Variants in MAMDC2 observed in about 807,000 individuals in gnomAD.
The protein encoded by MAMDC2 is MAM domain-containing protein 2.
A neutral mutation model predicts 89.8 loss-of-function variants in MAMDC2; 57 were observed. The observed-to-expected ratio is 0.63, with a 90% CI of 0.51 to 0.79. The LOEUF (loss-of-function observed/expected upper bound fraction) is 0.79. Ranked by LOEUF, MAMDC2 falls within the 30% of genes least tolerant of loss-of-function variation. The pLI is 0.00. For missense variants in MAMDC2, 800 were observed against 820.6 expected, an observed-to-expected ratio of 0.97 and a Z score of 0.31; for synonymous variants, 313 against 293.4, an observed-to-expected ratio of 1.07 and a Z score of -0.68.
chr9:70,219,406 T>C (rs758893729), intron 12 of MAMDC2, among the ~76,000 whole-genome samples: 8 of 152,238 alleles, frequency 5.3e-5, no homozygotes, highest in Non-Finnish European at 8.8e-5. Flanking sequence ...AGGCACACCT[T>C]CCTACTCATT....
intron 11 of MAMDC2, among the ~76,000 whole-genome samples, chr9:70,210,033 C>G (rs2033318208): frequency 6.6e-6 from 1 of 152,162 alleles, no homozygotes; most frequent in African/African-American, 2.4e-5. Flanking sequence ...TTTACATTTG[C>G]TGAGGAATGG....
chr9:70,093,316 A>C (rs996619720), intron 2 of MAMDC2, among the ~76,000 whole-genome samples: 1 of 152,192 alleles, frequency 6.6e-6, no homozygotes, highest in African/African-American at 2.4e-5. Flanking sequence ...TGGAAGGAGA[A>C]TACCTTTTTC....
intron 7 of MAMDC2, 110 bp downstream of exon 7, chr9:70,131,722 T>A: frequency 1.3e-6 from 1 of 798,952 alleles, no homozygotes; most frequent in Non-Finnish European, 2.0e-6. Flanking sequence ...TCCCCTTCTG[T>A]CATCCTTAAA....
At chr9:70,164,008 A>AGGACTG (rs2032080815) in intron 9 of MAMDC2, among the ~76,000 whole-genome samples, 1 of 151,652 alleles carries the variant, frequency 6.6e-6, no homozygotes, top group South Asian at 2.1e-4. Context: ...CAAGGACTGC[A>AGGACTG]CATAACAGGA....
chr9:70,111,123 G>A (rs1828500729), intron 4 of MAMDC2, among the ~76,000 whole-genome samples: 1 of 152,136 alleles, frequency 6.6e-6, no homozygotes, highest in Non-Finnish European at 1.5e-5. Context: ...CCTGGCATCT[G>A]CACAGCTTGT....
intron 11 of MAMDC2, among the ~76,000 whole-genome samples, chr9:70,208,531 G>T (rs2033279325): frequency 6.6e-6 from 1 of 152,124 alleles, no homozygotes. Context: ...AGGATATTTT[G>T]GGCTGAGATG....
intron 9 of MAMDC2, among the ~76,000 whole-genome samples, chr9:70,146,095 T>C (rs1220770777): frequency 1.3e-5 from 2 of 152,182 alleles, no homozygotes; most frequent in South Asian, 2.1e-4. Flanking sequence ...CTTTATCCTC[T>C]GTTAACAACA....
At position 70,225,740 on chromosome 9, in the gene MAMDC2, A is replaced by G; in HGVS notation, c.1912-10A>G. 1 of 1,515,206 alleles carries G rather than the reference A, an allele frequency of 6.6e-7. No homozygotes were observed. Among genetic ancestry groups the G allele is most frequent in the African/African-American group, 1.4e-5 (1 of 72,986 alleles). The allele number at this position is 1,515,206 out of a possible 1,614,324, so 93.9% of individuals were successfully genotyped here. A position where few individuals can be genotyped will look rare whatever the true frequency, so the allele number is the denominator to read the frequency against. On this transcript the variant is annotated splice_polypyrimidine_tract_variant and intron_variant, in intron 12 of 13. Coordinates refer to ENST00000377182, the MANE Select transcript of MAMDC2 (RefSeq NM_153267.5). Reference sequence around the variant, plus strand: ...TTCTATTTCTAAATTCAAACATATTATTCTTTCAGATAATTTTTGAAGCCA... The same window carrying G: ...TTCTATTTCTAAATTCAAACATATTGTTCTTTCAGATAATTTTTGAAGCCA...
At chr9:70,097,114 C>T (rs1390271005) in intron 2 of MAMDC2, among the ~76,000 whole-genome samples, 3 of 152,124 alleles carry the variant, frequency 2.0e-5, no homozygotes, top group Non-Finnish European at 4.4e-5. Flanking sequence ...AGGGCATCTC[C>T]CCAGGCCTCA....
At chr9:70,053,311 T>A (rs955251751) in intron 2 of MAMDC2, among the ~76,000 whole-genome samples, 9 of 152,226 alleles carry the variant, frequency 5.9e-5, no homozygotes, top group Admixed American at 4.6e-4. Context: ...ATAAAACAAG[T>A]GGTATCATTA....
At chr9:70,129,646 T>C (rs919489452) in intron 6 of MAMDC2, among the ~76,000 whole-genome samples, 16 of 152,118 alleles carry the variant, frequency 1.1e-4, no homozygotes, top group Admixed American at 1.0e-3. Flanking sequence ...GGGTTTTTCA[T>C]TTTATTTTTG....
At chr9:70,068,676 C>T (rs541770192) in intron 2 of MAMDC2, among the ~76,000 whole-genome samples, 11 of 145,902 alleles carry the variant, frequency 7.5e-5, no homozygotes, top group East Asian at 2.1e-4. Context: ...GCAGTGAGAT[C>T]GCACCACTGC....
chr9:70,094,657 T>C (rs956860647), intron 2 of MAMDC2, among the ~76,000 whole-genome samples: 54 of 152,130 alleles, frequency 3.5e-4, no homozygotes, highest in African/African-American at 1.2e-3. Flanking sequence ...TATATAAACA[T>C]GATAAAACAA....
intron 2 of MAMDC2, among the ~76,000 whole-genome samples, chr9:70,048,054 G>A (rs553967722): frequency 6.9e-6 from 1 of 145,248 alleles, no homozygotes; most frequent in Non-Finnish European, 1.5e-5. Flanking sequence ...GGAATGCCAG[G>A]TGCACCATAC....
At chr9:70,096,791 T>C (rs936245926) in intron 2 of MAMDC2, among the ~76,000 whole-genome samples, 5 of 151,028 alleles carry the variant, frequency 3.3e-5, no homozygotes, top group African/African-American at 1.2e-4. Flanking sequence ...ATGGAGAAGA[T>C]AGAGGAGTAG....
At chr9:70,220,335 A>G (rs1264287847) in intron 12 of MAMDC2, among the ~76,000 whole-genome samples, 4 of 152,150 alleles carry the variant, frequency 2.6e-5, no homozygotes, top group Non-Finnish European at 5.9e-5. Context: ...GGGCTCTTCA[A>G]ATGATGCAGA....
intron 2 of MAMDC2, among the ~76,000 whole-genome samples, chr9:70,079,700 TA>T (rs1268398538): frequency 1.3e-5 from 2 of 152,216 alleles, no homozygotes; most frequent in Non-Finnish European, 2.9e-5. Context: ...GATGTCATAA[TA>T]AATCTGTCCT....
At chr9:70,138,549 C>T (rs775108172) in intron 7 of MAMDC2, among the ~76,000 whole-genome samples, 1 of 152,170 alleles carries the variant, frequency 6.6e-6, no homozygotes, top group African/African-American at 2.4e-5. Flanking sequence ...TCCCTTTTCT[C>T]CACATCCTCA....
At chr9:70,128,536 C>A (rs927238257) in intron 6 of MAMDC2, among the ~76,000 whole-genome samples, 5 of 152,046 alleles carry the variant, frequency 3.3e-5, no homozygotes. Flanking sequence ...TGTCCAAACT[C>A]TTTTTCTTTT....
Sources: allele counts gnomAD v4.1 joint callset (sites outside exome capture counted in the v4.1 genomes callset), GRCh38; gene constraint gnomAD v4.1.1; transcripts MANE v1.5; gene names NCBI Gene and HGNC (gene_info 2026-07-23, HGNC 2026-07-21).